The following SMAP2 variants were observed in gnomAD, a reference collection of about 807,000 sequenced individuals.
The protein encoded by SMAP2 is stromal membrane-associated protein 2.
Under a neutral mutation model 56.4 loss-of-function variants are expected in SMAP2, and 25 were observed. The observed-to-expected ratio is 0.44, with a 90% CI of 0.32 to 0.62. The LOEUF is 0.62. SMAP2 is among the 20% of genes least tolerant of loss of function. SMAP2 has a pLI of 0.04. For synonymous variants in SMAP2, 157 were observed against 181.7 expected (o/e 0.86, Z 1.09); for missense variants, 388 against 545.6 (o/e 0.71, Z 2.88).
upstream of SMAP2, among the ~76,000 whole-genome samples, chr1:40,372,598 T>C (rs1189922429): frequency 6.6e-6 from 1 of 152,132 alleles, no homozygotes; most frequent in Non-Finnish European, 1.5e-5. Flanking sequence ...AGCCAGAAAA[T>C]TTAATTGTTG....
In SMAP2 at chr1:40,386,145, TA is replaced by T. The variant is rs1644651500; in HGVS notation, c.103+11923del. ...AAACAGGAAGGAAACTCCCTGTTCT[TA>T]CCATGATGCTTTTGTTCAAAATAGC... is the stretch of plus-strand genomic sequence containing the variant. On this transcript the variant is annotated intron_variant, in intron 1 of 9. Coordinates refer to ENST00000372718, the MANE Select transcript of SMAP2 (RefSeq NM_022733.3). This position sits in a 1 kb window ranked among gnomAD's most constrained non-coding sequence, Gnocchi z 4.1. Among the ~76,000 whole-genome samples, 1 of 152,216 alleles carries T rather than the reference TA, an allele frequency of 6.6e-6. No homozygotes were observed.
chr1:40,357,093 A>T lies in SMAP2; in HGVS notation c.-82-5207A>T, dbSNP rs192307856. 6.9e-3 allele frequency among the ~76,000 whole-genome samples: 1,049 copies of T among 151,758 alleles called. 9 individuals are homozygous for T. The highest frequency in any genetic ancestry group is 0.023 in the African/African-American group (943 of 41,348). ...CCCTTGTCAGATGAATGGTTTGCAC[A>T]TTTTTTTCCCCATTCTGTGGGTTGT... On this transcript the variant is annotated intron_variant, in intron 1 of 6. Coordinates refer to the SMAP2 transcript ENST00000435168.
chr1:40,395,577 T>TACTAAAAGTTAATTGCCTTCA (rs56320868), intron 1 of SMAP2, among the ~76,000 whole-genome samples: 138,102 of 152,110 alleles, frequency 0.91, 62,949 homozygotes, highest in African/African-American at 0.98. Flanking sequence ...GAGCCAAATT[T>TACTAAAAGTTAATTGCCTTCA]ACCTTTCCAG....
At chr1:40,388,658 C>G (rs979824288) in intron 1 of SMAP2, among the ~76,000 whole-genome samples, 1 of 152,108 alleles carries the variant, frequency 6.6e-6, no homozygotes, top group African/African-American at 2.4e-5. Flanking sequence ...CAAAACAGAC[C>G]GCTCCGCTCT....
chr1:40,423,093 G>A lies in SMAP2; in HGVS notation c.*992G>A, dbSNP rs188788650. The A allele has an allele frequency of 3.9e-5, 6 of 152,564 alleles. No homozygotes were observed. The highest frequency in any genetic ancestry group is 1.4e-4 in the African/African-American group (6 of 41,484). The allele number at this position is 152,564 out of a possible 1,614,324, so 9.5% of individuals were successfully genotyped here. A position where few individuals can be genotyped will look rare whatever the true frequency, so the allele number is the denominator to read the frequency against. On this transcript the variant is annotated 3_prime_UTR_variant, in exon 10 of 10. Coordinates refer to ENST00000372718, the MANE Select transcript of SMAP2 (RefSeq NM_022733.3). Reference sequence around the variant, plus strand: ...CTCCCTTTCTCCCTTCCCTTCTCCCGGTCTGCTGATCACTCTTTCATGCCT... The same window carrying A: ...CTCCCTTTCTCCCTTCCCTTCTCCCAGTCTGCTGATCACTCTTTCATGCCT...
intron 2 of SMAP2, among the ~76,000 whole-genome samples, chr1:40,362,896 A>AG (rs1210757407): frequency 6.6e-6 from 1 of 152,160 alleles, no homozygotes; most frequent in Non-Finnish European, 1.5e-5. Flanking sequence ...TCCAGCTTGG[A>AG]GCAGCAGGGC....
chr1:40,347,399 A>G (rs1644393875), intron 1 of SMAP2, among the ~76,000 whole-genome samples: 1 of 151,448 alleles, frequency 6.6e-6, no homozygotes, highest in African/African-American at 2.4e-5. Flanking sequence ...TCATTTTCAT[A>G]TGTATTTCTT....
chr1:40,413,963 A>T, intron 5 of SMAP2, 196 bp from the exon 6 acceptor site: 1 of 552,096 alleles, frequency 1.8e-6, no homozygotes, highest in Non-Finnish European at 3.2e-6. Flanking sequence ...TTTGTTTTTC[A>T]TTTTAGGTTT....
At chr1:40,352,475 C>G (rs1557820714) in intron 1 of SMAP2, among the ~76,000 whole-genome samples, 1 of 152,120 alleles carries the variant, frequency 6.6e-6, no homozygotes, top group African/African-American at 2.4e-5. Flanking sequence ...TCACTTCTTT[C>G]TCTTCTTCCT....
At chr1:40,347,263 T>G (rs1412071670) in intron 1 of SMAP2, among the ~76,000 whole-genome samples, 1 of 149,848 alleles carries the variant, frequency 6.7e-6, no homozygotes, top group African/African-American at 2.5e-5. Context: ...TTTTTTTTTT[T>G]TTTTTAAAGC....
In SMAP2 at chr1:40,373,912, C is replaced by T; in HGVS notation, c.-209C>T. 1.9e-6 allele frequency: 1 copy of T among 526,166 alleles called. No individual in the cohort carries two copies. The highest frequency in any genetic ancestry group is 3.4e-6 in the Non-Finnish European group (1 of 293,758). 32.6% of individuals were successfully genotyped at this position (526,166 alleles called of 1,614,324 possible). A position where few individuals can be genotyped will look rare whatever the true frequency, so the allele number is the denominator to read the frequency against. The stretch of plus-strand genomic sequence containing the variant: ...GGAGGCGGGCCTGTCCCTAAGCCCG[C>T]CAAGGGGCGCCGCGCCGAGGGGCTG... On this transcript the variant is annotated 5_prime_UTR_variant, in exon 1 of 10. Coordinates refer to ENST00000372718, the MANE Select transcript of SMAP2 (RefSeq NM_022733.3).
chr1:40,415,615 G>A (rs1644979591), intron 7 of SMAP2, among the ~76,000 whole-genome samples: 1 of 152,174 alleles, frequency 6.6e-6, no homozygotes, highest in Non-Finnish European at 1.5e-5. Context: ...TGGAAAGTGT[G>A]TGATACTGTG....
intron 1 of SMAP2, among the ~76,000 whole-genome samples, chr1:40,347,535 C>T (rs1644394308): frequency 6.6e-6 from 1 of 152,074 alleles, no homozygotes; most frequent in African/African-American, 2.4e-5. Flanking sequence ...CAGAGTCTTG[C>T]TCTGTCACCC....
Position 40,374,279 on chromosome 1 carries a change from G to A in SMAP2, c.103+56G>A. ...CCAGCCGCGCCGGGGTGGTGGGGGTGGGCTGCGTGAAGAGGCGGTTTCTGA... is the reference window on the plus strand; with the variant it reads ...CCAGCCGCGCCGGGGTGGTGGGGGTAGGCTGCGTGAAGAGGCGGTTTCTGA... On this transcript the variant is annotated intron_variant, in intron 1 of 9. Transcript: ENST00000372718. This position sits in a 1 kb window ranked among gnomAD's most constrained non-coding sequence, Gnocchi z 5.9. 2 of 1,470,286 alleles carry A rather than the reference G, an allele frequency of 1.4e-6. No individual in the cohort carries two copies. Among genetic ancestry groups the A allele is most frequent in the Non-Finnish European group, 1.9e-6 (2 of 1,066,554 alleles). The allele number at this position is 1,470,286 out of a possible 1,614,324, so 91.1% of individuals were successfully genotyped here. A position where few individuals can be genotyped will look rare whatever the true frequency, so the allele number is the denominator to read the frequency against.
chr1:40,415,181 T>C, intron 6 of SMAP2, 91 bp from the exon 7 acceptor site: 1 of 951,008 alleles, frequency 1.1e-6, no homozygotes, highest in Non-Finnish European at 1.7e-6. Flanking sequence ...GTCCATGAGC[T>C]TATGGGCCAC....
rs1407233991 is a variant in SMAP2, at chr1:40,422,123, G to T, written c.*22G>T. On this transcript the variant is annotated 3_prime_UTR_variant, in exon 10 of 10. Coordinates refer to ENST00000372718, the MANE Select transcript of SMAP2 (RefSeq NM_022733.3). ...ATAAAAACAAAACACCTGTATGGCT[G>T]CCATTCTCTTCAGCCCTCGCTCTCC... The T allele has an allele frequency of 6.2e-7, 1 of 1,612,932 alleles. No individual in the cohort carries two copies. The highest frequency in any genetic ancestry group is 8.5e-7 in the Non-Finnish European group (1 of 1,179,682).
At chr1:40,376,076 G>A (rs920965872) in intron 1 of SMAP2, among the ~76,000 whole-genome samples, 13 of 151,886 alleles carry the variant, frequency 8.6e-5, no homozygotes, top group South Asian at 2.1e-4. Context: ...TCAGCCTCCC[G>A]AGTACCTGGG....
intron 1 of SMAP2, among the ~76,000 whole-genome samples, chr1:40,359,667 T>C: frequency 6.6e-6 from 1 of 152,258 alleles, no homozygotes; most frequent in Non-Finnish European, 1.5e-5. Context: ...TTTTGCTTTT[T>C]ATTTTTTGTT....
At chr1:40,356,074 G>A in intron 1 of SMAP2, among the ~76,000 whole-genome samples, 1 of 152,154 alleles carries the variant, frequency 6.6e-6, no homozygotes, top group Non-Finnish European at 1.5e-5. Context: ...AAATGAGTGA[G>A]AACATGTGAA....
Sources: allele counts gnomAD v4.1 joint callset (sites outside exome capture counted in the v4.1 genomes callset), GRCh38; gene constraint gnomAD v4.1.1; non-coding constraint Gnocchi (gnomAD v3.1); transcripts MANE v1.5; gene names NCBI Gene and HGNC (gene_info 2026-07-23, HGNC 2026-07-21).